The following NUDCD3 variants were observed in gnomAD, a reference collection of about 807,000 sequenced individuals.
NUDCD3 encodes the protein NudC domain containing 3, also known as nudC domain-containing protein 3.
A neutral mutation model predicts 39.7 loss-of-function variants in NUDCD3; 13 were observed. The observed-to-expected ratio is 0.33, with a 90% CI of 0.21 to 0.52. The LOEUF (loss-of-function observed/expected upper bound fraction) is 0.52. Among genes scored for constraint, NUDCD3 ranks in the 20% least tolerant of loss-of-function variants. The pLI is 0.96. For missense variants in NUDCD3, 453 were observed against 458.1 expected, an observed-to-expected ratio of 0.99 and a Z score of 0.10; for synonymous variants, 175 against 172.4, an observed-to-expected ratio of 1.02 and a Z score of -0.12.
At chr7:44,439,607 A>C (rs1252650983) in intron 2 of NUDCD3, among the ~76,000 whole-genome samples, 4 of 151,858 alleles carry the variant, frequency 2.6e-5, no homozygotes, top group African/African-American at 4.8e-5. Context: ...AAAAAAAAAA[A>C]AACAGTTGGG....
intron 3 of NUDCD3, among the ~76,000 whole-genome samples, chr7:44,423,515 C>T (rs1799178098): frequency 6.6e-6 from 1 of 152,030 alleles, no homozygotes; most frequent in Admixed American, 6.6e-5. Context: ...AGCAGAGAGC[C>T]AAGTCATGAG....
At chr7:44,473,595 T>C (rs975605536) in intron 2 of NUDCD3, among the ~76,000 whole-genome samples, 3 of 152,224 alleles carry the variant, frequency 2.0e-5, no homozygotes, top group Non-Finnish European at 2.9e-5. Context: ...ATGTGTACTA[T>C]ATATAGTAGG....
At chr7:44,417,176 A>G (rs1799043628) in intron 3 of NUDCD3, among the ~76,000 whole-genome samples, 1 of 152,234 alleles carries the variant, frequency 6.6e-6, no homozygotes, top group African/African-American at 2.4e-5. Flanking sequence ...GAAAACGTCT[A>G]ATGTAGAATG....
At chr7:44,460,701 G>T (rs1799990636) in intron 2 of NUDCD3, among the ~76,000 whole-genome samples, 1 of 151,894 alleles carries the variant, frequency 6.6e-6, no homozygotes, top group Admixed American at 6.6e-5. Flanking sequence ...GTAATATGAA[G>T]ATATGAATGA....
intron 4 of NUDCD3, among the ~76,000 whole-genome samples, chr7:44,394,015 A>G (rs1798572035): frequency 6.6e-6 from 1 of 152,192 alleles, no homozygotes; most frequent in Non-Finnish European, 1.5e-5. Flanking sequence ...CACACCAAAG[A>G]AGGTACTCAG....
chr7:44,476,445 T>C (rs1034375955), intron 2 of NUDCD3, among the ~76,000 whole-genome samples: 2 of 152,174 alleles, frequency 1.3e-5, no homozygotes, highest in Non-Finnish European at 2.9e-5. Context: ...AGTGGCCTTA[T>C]AAAACAGGCC....
intron 4 of NUDCD3, among the ~76,000 whole-genome samples, chr7:44,395,297 C>T (rs1798602893): frequency 6.6e-6 from 1 of 152,238 alleles, no homozygotes; most frequent in Admixed American, 6.5e-5. Context: ...TGCAGCTCTC[C>T]AAGGGGGCCA....
At chr7:44,436,107 GA>G (rs546924718) in intron 2 of NUDCD3, among the ~76,000 whole-genome samples, 12 of 151,714 alleles carry the variant, frequency 7.9e-5, no homozygotes, top group African/African-American at 1.7e-4. Flanking sequence ...CTAATTTGAA[GA>G]AAAAAAAATT....
At chr7:44,388,876 C>A (rs913839567) in intron 5 of NUDCD3, among the ~76,000 whole-genome samples, 1 of 152,254 alleles carries the variant, frequency 6.6e-6, no homozygotes, top group East Asian at 1.9e-4. Context: ...AAGTCTACAG[C>A]AGAATAGATT....
chr7:44,479,092 G>T (rs994857929), intron 2 of NUDCD3, among the ~76,000 whole-genome samples: 34 of 152,174 alleles, frequency 2.2e-4, no homozygotes, highest in African/African-American at 8.0e-4. Context: ...AACCGTCTAT[G>T]AGAACTCACT....
chr7:44,442,996 C>A (rs1267040768), intron 2 of NUDCD3, among the ~76,000 whole-genome samples: 1 of 152,294 alleles, frequency 6.6e-6, no homozygotes, highest in East Asian at 1.9e-4. Context: ...GCCACCGCAC[C>A]TGGCCTCCCC....
At chr7:44,386,785 C>T (rs1222643478) in intron 5 of NUDCD3, among the ~76,000 whole-genome samples, 1 of 152,172 alleles carries the variant, frequency 6.6e-6, no homozygotes, top group Admixed American at 6.5e-5. Flanking sequence ...CTGGAACTAT[C>T]TAGCCTCCAA....
rs988080395 is a variant in NUDCD3, at chr7:44,380,120, C to T, written c.*5891G>A. ...GTCTTGTCATCAGGCACCCTGAATG[C>T]TTTCAGGTGGATGGTTTGGATCTCT... On this transcript the variant is annotated 3_prime_UTR_variant, in exon 6 of 6. Coordinates refer to ENST00000355451, the MANE Select transcript of NUDCD3 (RefSeq NM_015332.4). The T allele has an allele frequency of 3.9e-5, 6 of 152,264 alleles. No homozygotes were observed. Among genetic ancestry groups the T allele is most frequent in the Non-Finnish European group, 8.8e-5 (6 of 68,096 alleles). 9.4% of individuals were successfully genotyped at this position (152,264 alleles called of 1,614,324 possible).
intron 2 of NUDCD3, among the ~76,000 whole-genome samples, chr7:44,441,381 T>C (rs566322548): frequency 6.6e-6 from 1 of 152,328 alleles, no homozygotes; most frequent in Admixed American, 6.5e-5. Flanking sequence ...TTGAAGATAT[T>C]ATATCCTGGG....
At chr7:44,441,101 C>G (rs1212142963) in intron 2 of NUDCD3, among the ~76,000 whole-genome samples, 1 of 152,204 alleles carries the variant, frequency 6.6e-6, no homozygotes, top group Non-Finnish European at 1.5e-5. Context: ...ATTCACAGCA[C>G]TTGATATAGC....
At chr7:44,415,359 C>T (rs929058744) in intron 3 of NUDCD3, among the ~76,000 whole-genome samples, 1 of 152,178 alleles carries the variant, frequency 6.6e-6, no homozygotes, top group Non-Finnish European at 1.5e-5. Flanking sequence ...GAGTCAGCTG[C>T]TTTTCCTAAA....
intron 4 of NUDCD3, among the ~76,000 whole-genome samples, chr7:44,401,530 AT>A (rs1364757850): frequency 6.6e-6 from 1 of 152,204 alleles, no homozygotes; most frequent in African/African-American, 2.4e-5. Flanking sequence ...ACTCCTCTTT[AT>A]TCAGGTACTT....
At chr7:44,407,558 TTC>T (rs1798850907) in intron 3 of NUDCD3, among the ~76,000 whole-genome samples, 1 of 140,914 alleles carries the variant, frequency 7.1e-6, no homozygotes, top group South Asian at 2.2e-4. Flanking sequence ...AGGAGTGAAA[TTC>T]TGTCTCAAAA....
chr7:44,469,878 G>A (rs571444375), intron 2 of NUDCD3, among the ~76,000 whole-genome samples: 1 of 151,698 alleles, frequency 6.6e-6, no homozygotes, highest in South Asian at 2.1e-4. Flanking sequence ...CTCTTTAACT[G>A]TCAAGGTCAT....
Sources: gnomAD v4.1 joint callset for allele counts (sites outside exome capture counted in the v4.1 genomes callset) on GRCh38, gnomAD v4.1.1 for gene constraint, MANE v1.5 for transcripts, NCBI Gene and HGNC (gene_info 2026-07-23, HGNC 2026-07-21) for gene names.